Variants in PLB1 observed in about 807,000 individuals in gnomAD.
The protein encoded by PLB1 is phospholipase B1.
A neutral mutation model predicts 227.4 loss-of-function variants in PLB1; 242 were observed. That is an observed-to-expected ratio of 1.06 (90% CI 0.96 to 1.18). The LOEUF is 1.18. Among genes scored for constraint, PLB1 ranks in the 50% most tolerant of loss-of-function variants. The pLI is 0.00. For missense variants in PLB1, 1,858 were observed against 1,816.3 expected (o/e 1.02, Z -0.42); for synonymous variants, 757 against 682.2 (o/e 1.11, Z -1.71).
intron 33 of PLB1, chr2:28,594,096 T>G (rs1246181143): frequency 3.4e-6 from 2 of 596,894 alleles, no homozygotes; most frequent in East Asian, 4.2e-5. Context: ...ACACGTGGTG[T>G]TCCTACGTCT....
In PLB1 at chr2:28,585,871, C is replaced by G. The variant is rs769135755; in HGVS notation, c.1815+29C>G. ...AGCCGGGAAGGGGTTCTAAGACTTC[C>G]CAGAACTGCTGTGTGATTCGATTGC... On this transcript the variant is annotated intron_variant, in intron 26 of 57. Transcript: ENST00000327757. 91 of 1,528,138 alleles carry G rather than the reference C, an allele frequency of 6.0e-5. 3 individuals carry two copies. In the South Asian group the frequency reaches 8.9e-4, roughly 15 times the overall value. 94.7% of individuals were successfully genotyped at this position (1,528,138 alleles called of 1,614,324 possible). A position where few individuals can be genotyped will look rare whatever the true frequency, so the allele number is the denominator to read the frequency against.
chr2:28,643,070 G>A lies in PLB1; in HGVS notation c.*9G>A, dbSNP rs1225544070. On this transcript the variant is annotated 3_prime_UTR_variant, in exon 58 of 58. Coordinates refer to ENST00000327757, the MANE Select transcript of PLB1 (RefSeq NM_153021.5). ...GCACTGTGGCCCTCTAGGCCCGGGG[G>A]TGGGTCCTCACCCTAAACTCCCTAT... 1 of 1,586,848 alleles carries A rather than the reference G, an allele frequency of 6.3e-7. No homozygotes were observed. The highest frequency in any genetic ancestry group is 1.8e-5 in the Admixed American group (1 of 56,646).
chr2:28,607,010 C>A (rs1684775248), intron 43 of PLB1, among the ~76,000 whole-genome samples: 1 of 152,050 alleles, frequency 6.6e-6, no homozygotes, highest in Non-Finnish European at 1.5e-5. Flanking sequence ...GGAGATTCCA[C>A]AAGGAAAGGA....
At chr2:28,601,124 T>G (rs2148298762) in intron 36 of PLB1, 128 bp from the exon 37 acceptor site, 1 of 839,816 alleles carries the variant, frequency 1.2e-6, no homozygotes, top group East Asian at 2.6e-5. Context: ...ATTCCTTCAG[T>G]TCAGAGATGC....
intron 20 of PLB1, among the ~76,000 whole-genome samples, chr2:28,569,498 G>A (rs909310985): frequency 1.3e-5 from 2 of 152,086 alleles, no homozygotes; most frequent in African/African-American, 4.8e-5. Flanking sequence ...ACTGACAAAA[G>A]GGAGGGGAAA....
At chr2:28,632,164 G>A in intron 55 of PLB1, 24 bp downstream of exon 55, 1 of 1,580,624 alleles carries the variant, frequency 6.3e-7, no homozygotes. Flanking sequence ...ATTTTAGGGA[G>A]GCTCACGTAT....
At position 28,527,756 on chromosome 2, in the gene PLB1, C is replaced by T. The variant is rs1208877303; in HGVS notation, c.326-1561C>T. ...GAGGACAGACCAAGTACACAGCAGACTTAAAACAAAATGACTGGCAAATTT... is the reference window on the plus strand; with the variant it reads ...GAGGACAGACCAAGTACACAGCAGATTTAAAACAAAATGACTGGCAAATTT... On this transcript the variant is annotated intron_variant, in intron 6 of 57. Transcript: ENST00000327757. Among the ~76,000 whole-genome samples the T allele has an allele frequency of 2.0e-5, 3 of 152,204 alleles. No individual in the cohort carries two copies. The East Asian group carries it at 5.8e-4, about 29-fold the overall frequency.
intron 25 of PLB1, among the ~76,000 whole-genome samples, chr2:28,584,924 T>C (rs928840883): frequency 2.0e-5 from 3 of 152,298 alleles, no homozygotes; most frequent in East Asian, 1.9e-4. Flanking sequence ...CCATGCAACC[T>C]TGAGAAAGTT....
At chr2:28,626,357 G>C in intron 50 of PLB1, 71 bp from the exon 51 acceptor site, 1 of 1,337,914 alleles carries the variant, frequency 7.5e-7, no homozygotes, top group East Asian at 2.3e-5. Context: ...AGGGCGGGCG[G>C]GCTGGCCCAG....
intron 19 of PLB1, chr2:28,566,444 A>C (rs992250732): frequency 4.5e-6 from 1 of 222,200 alleles, no homozygotes; most frequent in Non-Finnish European, 8.9e-6. Context: ...AATAGGGCCA[A>C]TAATATTAAT....
chr2:28,573,103 G>A (rs780448479), intron 20 of PLB1, 94 bp from the exon 21 acceptor site: 5 of 936,324 alleles, frequency 5.3e-6, no homozygotes, highest in Non-Finnish European at 8.5e-6. Flanking sequence ...GCGGAGTGGG[G>A]ACTCTGTTCC....
intron 56 of PLB1, among the ~76,000 whole-genome samples, chr2:28,634,280 G>A (rs1438473072): frequency 2.6e-5 from 4 of 152,206 alleles, no homozygotes; most frequent in Admixed American, 2.6e-4. Context: ...TTTTAAATCA[G>A]TTTATATGGT....
chr2:28,583,486 C>T (rs1418703913), intron 25 of PLB1, among the ~76,000 whole-genome samples: 2 of 152,190 alleles, frequency 1.3e-5, no homozygotes, highest in East Asian at 1.9e-4. Flanking sequence ...TGCCTGGCCC[C>T]GAATCCAAAA....
At chr2:28,626,786 T>A (rs1687857758) in intron 51 of PLB1, among the ~76,000 whole-genome samples, 1 of 152,166 alleles carries the variant, frequency 6.6e-6, no homozygotes, top group African/African-American at 2.4e-5. Context: ...GAGGCCTCTC[T>A]TATCCACACA....
chr2:28,561,250 C>T (rs925893246), intron 17 of PLB1, among the ~76,000 whole-genome samples: 3 of 152,212 alleles, frequency 2.0e-5, no homozygotes, highest in Non-Finnish European at 4.4e-5. Context: ...AGCACCCAGC[C>T]ACTGCTTCGT....
rs759047766 is a variant in PLB1, at chr2:28,582,128, G to T, written c.1627G>T (p.Ala543Ser). 1 of 1,613,626 alleles carries T rather than the reference G, an allele frequency of 6.2e-7. No individual in the cohort carries two copies. Residue 543 changes from alanine (A) to serine (S), a missense_variant, in exon 24 of 58, where the codon GCT becomes TCT. Physicochemically the swap from Ala to Ser is moderately conservative, Grantham distance 99. Coordinates refer to ENST00000327757, the MANE Select transcript of PLB1 (RefSeq NM_153021.5). ...TGGAAAGGCCCTGGACATCCTCCAT[G>T]CTGAGGTACGGAGGCTAGGCCATGA... Reference protein sequence around the residue: ...NIGKALDILHAEVPRAFVNLV... With the variant: ...NIGKALDILHSEVPRAFVNLV...
chr2:28,561,060 C>A (rs1220440144), intron 17 of PLB1, among the ~76,000 whole-genome samples: 1 of 152,226 alleles, frequency 6.6e-6, no homozygotes, highest in Non-Finnish European at 1.5e-5. Context: ...TGCTGTGACC[C>A]CCTCCTCAGG....
At chr2:28,556,016 G>A (rs1675051679) in intron 17 of PLB1, among the ~76,000 whole-genome samples, 1 of 151,924 alleles carries the variant, frequency 6.6e-6, no homozygotes, top group Admixed American at 6.6e-5. Flanking sequence ...ATAGGCCCAT[G>A]CACCATGTCC....
At chr2:28,635,028 G>A (rs1317786885) in intron 56 of PLB1, among the ~76,000 whole-genome samples, 2 of 152,144 alleles carry the variant, frequency 1.3e-5, no homozygotes, top group East Asian at 3.8e-4. Context: ...TAAGTGGGAG[G>A]AGTTTAGATA....
Sources: gnomAD v4.1 joint callset for allele counts (sites outside exome capture counted in the v4.1 genomes callset) on GRCh38, gnomAD v4.1.1 for gene constraint, MANE v1.5 for transcripts, NCBI Gene and HGNC (gene_info 2026-07-23, HGNC 2026-07-21) for gene names.